The following CTNNA2 variants were observed in gnomAD, a reference collection of about 807,000 sequenced individuals.
CTNNA2 encodes the protein catenin alpha-2.
Under a neutral mutation model 101.0 loss-of-function variants are expected in CTNNA2, and 42 were observed. The ratio of observed to expected loss-of-function variants is 0.42; its 90% CI spans 0.32 to 0.54. The LOEUF (loss-of-function observed/expected upper bound fraction) is 0.54. Ranked by LOEUF, CTNNA2 falls within the 20% of genes least tolerant of loss-of-function variation. The pLI is 0.14. For synonymous variants in CTNNA2, 450 were observed against 456.4 expected (o/e 0.99, Z 0.18); for missense variants, 871 against 1,223.1 (o/e 0.71, Z 4.29).
At chr2:80,340,137 A>G (rs1672102273) in intron 7 of CTNNA2, among the ~76,000 whole-genome samples, 1 of 152,226 alleles carries the variant, frequency 6.6e-6, no homozygotes, top group African/African-American at 2.4e-5. Context: ...ACTTGAAGTC[A>G]GGCTACCCCT....
At chr2:79,570,196 T>G (rs1339582683) in intron 1 of CTNNA2, among the ~76,000 whole-genome samples, 1 of 152,158 alleles carries the variant, frequency 6.6e-6, no homozygotes, top group Non-Finnish European at 1.5e-5. Flanking sequence ...TTGAAAAGCT[T>G]TCAGGAATAT....
chr2:79,236,493 G>A (rs1314822157), intron 2 of CTNNA2, among the ~76,000 whole-genome samples: 1 of 152,074 alleles, frequency 6.6e-6, no homozygotes, highest in Non-Finnish European at 1.5e-5. Flanking sequence ...TGATTGATCA[G>A]GCTATTTCTT....
At chr2:80,233,412 G>A (rs73938247) in intron 7 of CTNNA2, among the ~76,000 whole-genome samples, 13,667 of 152,090 alleles carry the variant, frequency 0.09, 775 homozygotes, top group South Asian at 0.28. Flanking sequence ...CTTATGGCCT[G>A]TCTCTTCTAC....
At chr2:80,174,259 A>C (rs1389978824) in intron 7 of CTNNA2, among the ~76,000 whole-genome samples, 1 of 152,292 alleles carries the variant, frequency 6.6e-6, no homozygotes, top group African/African-American at 2.4e-5. Flanking sequence ...GCCTCATAAT[A>C]TGATTTGGAG....
intron 4 of CTNNA2, among the ~76,000 whole-genome samples, chr2:79,495,859 T>TA: frequency 6.6e-6 from 1 of 152,120 alleles, no homozygotes; most frequent in Admixed American, 6.6e-5. Context: ...AGAGGGCAGT[T>TA]ACAAAAGACT....
intron 2 of CTNNA2, among the ~76,000 whole-genome samples, chr2:79,739,260 T>C (rs566615032): frequency 2.0e-5 from 3 of 152,250 alleles, no homozygotes; most frequent in South Asian, 2.1e-4. Context: ...AATGAAACAT[T>C]TGTTTTGAGA....
chr2:79,185,648 A>G (rs143697135), intron 1 of CTNNA2: 3 of 152,292 alleles, frequency 2.0e-5, no homozygotes, highest in African/African-American at 7.2e-5. Context: ...TACCTAGATA[A>G]GTACTTCTAC....
intron 3 of CTNNA2, among the ~76,000 whole-genome samples, chr2:79,334,309 C>A (rs1357946039): frequency 6.6e-6 from 1 of 151,872 alleles, no homozygotes. Context: ...CTGGCAGAAC[C>A]AGAATTTGAA....
chr2:80,229,938 G>A (rs1467532911), intron 7 of CTNNA2, among the ~76,000 whole-genome samples: 1 of 152,100 alleles, frequency 6.6e-6, no homozygotes, highest in East Asian at 1.9e-4. Context: ...ATATATGATA[G>A]CGGTGGTCCT....
At chr2:79,214,224 T>C (rs905825628) in intron 2 of CTNNA2, among the ~76,000 whole-genome samples, 10 of 152,160 alleles carry the variant, frequency 6.6e-5, no homozygotes, top group Admixed American at 3.3e-4. Context: ...TGCAGCAGTA[T>C]AGCCCAGGTA....
intron 4 of CTNNA2, among the ~76,000 whole-genome samples, chr2:79,470,555 C>A (rs754148252): frequency 5.9e-5 from 9 of 152,122 alleles, no homozygotes; most frequent in Non-Finnish European, 1.2e-4. Context: ...TAGGAAATGT[C>A]CATCTTGAGC....
At chr2:79,576,628 G>A (rs1304775622) in intron 1 of CTNNA2, among the ~76,000 whole-genome samples, 1 of 152,054 alleles carries the variant, frequency 6.6e-6, no homozygotes, top group Non-Finnish European at 1.5e-5. Context: ...CGTGTGGGGT[G>A]TGTATGCTTC....
At chr2:80,330,185 C>A (rs138029337) in intron 7 of CTNNA2, among the ~76,000 whole-genome samples, 3 of 152,346 alleles carry the variant, frequency 2.0e-5, no homozygotes, top group Admixed American at 6.5e-5. Context: ...CATTGTGGAG[C>A]TATCTTGTGC....
At chr2:80,314,756 A>G (rs1282204731) in intron 7 of CTNNA2, among the ~76,000 whole-genome samples, 1 of 152,256 alleles carries the variant, frequency 6.6e-6, no homozygotes, top group African/African-American at 2.4e-5. Context: ...TGCCATTGGC[A>G]TATCACATCA....
At chr2:79,985,241 C>T (rs536741063) in intron 7 of CTNNA2, among the ~76,000 whole-genome samples, 1 of 152,282 alleles carries the variant, frequency 6.6e-6, no homozygotes, top group South Asian at 2.1e-4. Context: ...GCTGCACACT[C>T]CATGCCTTTA....
chr2:80,080,152 A>G (rs1480334517), intron 7 of CTNNA2, among the ~76,000 whole-genome samples: 1 of 152,164 alleles, frequency 6.6e-6, no homozygotes, highest in African/African-American at 2.4e-5. Context: ...AGCATTGTAA[A>G]GTGTGGCTGG....
chr2:80,028,012 T>C (rs367747382), intron 7 of CTNNA2: 3 of 76,686 alleles, frequency 3.9e-5, no homozygotes, highest in Non-Finnish European at 8.7e-5. Flanking sequence ...GTAAAAGAAA[T>C]AAAAGAAATA....
chr2:79,341,832 T>C (rs1357117274), intron 3 of CTNNA2, among the ~76,000 whole-genome samples: 1 of 152,236 alleles, frequency 6.6e-6, no homozygotes, highest in Non-Finnish European at 1.5e-5. Flanking sequence ...GGGAAACTGA[T>C]GCAAATGATA....
In CTNNA2 at chr2:79,836,611, A is replaced by G. The variant is rs934296163; in HGVS notation, c.299-21402A>G. Among the ~76,000 whole-genome samples, 4 of 152,308 alleles carry G rather than the reference A, an allele frequency of 2.6e-5. No homozygotes were observed. In the East Asian group the frequency reaches 5.8e-4, roughly 22 times the overall value. ...TTGGCAAGGCCACACTTCCTTTGAA[A>G]CATGTAGGGAATAATCCCTCCTTGC... On this transcript the variant is annotated intron_variant, in intron 3 of 18. Transcript: ENST00000402739.
Sources: allele counts gnomAD v4.1 joint callset (sites outside exome capture counted in the v4.1 genomes callset), GRCh38; gene constraint gnomAD v4.1.1; transcripts MANE v1.5; gene names NCBI Gene and HGNC (gene_info 2026-07-23, HGNC 2026-07-21).